PTPRM: variants seen among roughly 807,000 people sequenced by gnomAD.
The protein encoded by PTPRM is receptor-type tyrosine-protein phosphatase mu.
PTPRM carries 47 observed loss-of-function variants against 186.7 expected under a neutral mutation model. The observed-to-expected ratio is 0.25, with a 90% confidence interval of 0.20 to 0.32. The LOEUF (loss-of-function observed/expected upper bound fraction) is 0.32, where lower values mean the gene tolerates loss of function less well. PTPRM is among the 10% of genes least tolerant of loss of function. The pLI, the probability that PTPRM is intolerant of heterozygous loss-of-function variation, is 1.00. For synonymous variants in PTPRM, 668 were observed against 674.9 expected, an observed-to-expected ratio of 0.99 and a Z score of 0.16; for missense variants, 1,494 against 1,865.0, an observed-to-expected ratio of 0.80 and a Z score of 3.66.
intron 5 of PTPRM, among the ~76,000 whole-genome samples, chr18:7,944,286 G>A (rs2052376251): frequency 6.6e-6 from 1 of 152,134 alleles, no homozygotes; most frequent in Admixed American, 6.5e-5. Context: ...TAGAGTACAT[G>A]TTGTGTTGAT....
At chr18:7,975,125 G>C (rs1304138078) in intron 7 of PTPRM, among the ~76,000 whole-genome samples, 1 of 152,214 alleles carries the variant, frequency 6.6e-6, no homozygotes. Flanking sequence ...CAAATGCTGG[G>C]AGGATGTGGA....
intron 14 of PTPRM, among the ~76,000 whole-genome samples, chr18:8,241,514 A>T (rs1338252460): frequency 6.6e-6 from 1 of 152,212 alleles, no homozygotes; most frequent in African/African-American, 2.4e-5. Context: ...ATTTATTTTT[A>T]AATTTGAATT....
At chr18:8,152,918 A>G (rs1007328387) in intron 14 of PTPRM, among the ~76,000 whole-genome samples, 3 of 151,744 alleles carry the variant, frequency 2.0e-5, no homozygotes, top group Non-Finnish European at 4.4e-5. Flanking sequence ...GGGTTTCACC[A>G]TGTTAGCCAG....
intron 1 of PTPRM, among the ~76,000 whole-genome samples, chr18:7,633,126 T>C (rs779840875): frequency 6.6e-6 from 1 of 152,190 alleles, no homozygotes; most frequent in African/African-American, 2.4e-5. Flanking sequence ...CCATGTGCAA[T>C]GAGCCATGAC....
At chr18:8,044,258 A>C (rs1250777345) in intron 7 of PTPRM, among the ~76,000 whole-genome samples, 2 of 152,210 alleles carry the variant, frequency 1.3e-5, no homozygotes, top group African/African-American at 4.8e-5. Flanking sequence ...GAGAAAAATG[A>C]TTCATTGAAT....
intron 8 of PTPRM, among the ~76,000 whole-genome samples, chr18:8,074,871 A>G (rs1044702302): frequency 1.3e-5 from 2 of 152,168 alleles, no homozygotes; most frequent in South Asian, 4.1e-4. Flanking sequence ...GTGTCCTTTG[A>G]TGCCCAAAAG....
intron 7 of PTPRM, among the ~76,000 whole-genome samples, chr18:7,985,795 A>G (rs999752785): frequency 6.6e-6 from 1 of 151,992 alleles, no homozygotes; most frequent in African/African-American, 2.4e-5. Flanking sequence ...TTCAGTTATT[A>G]TTGATGATAG....
chr18:8,328,321 G>A (rs1245446856), intron 22 of PTPRM, among the ~76,000 whole-genome samples: 1 of 152,132 alleles, frequency 6.6e-6, no homozygotes, highest in East Asian at 1.9e-4. Context: ...TTTTTCTCTT[G>A]CATTCTGGCC....
chr18:7,707,621 A>G (rs1447994362), intron 1 of PTPRM, among the ~76,000 whole-genome samples: 1 of 152,154 alleles, frequency 6.6e-6, no homozygotes, highest in Non-Finnish European at 1.5e-5. Context: ...GCTGGGTTAC[A>G]GAGTGAGGCC....
intron 1 of PTPRM, among the ~76,000 whole-genome samples, chr18:7,663,890 G>GC (rs1011179238): frequency 1.3e-5 from 2 of 152,106 alleles, no homozygotes; most frequent in African/African-American, 2.4e-5. Flanking sequence ...AGGTCCCTCT[G>GC]CCCCCCTCCA....
At chr18:8,233,291 A>G (rs931254596) in intron 14 of PTPRM, among the ~76,000 whole-genome samples, 1 of 152,170 alleles carries the variant, frequency 6.6e-6, no homozygotes, top group Non-Finnish European at 1.5e-5. Flanking sequence ...TCAACAATGA[A>G]TGAGGAGTCT....
intron 11 of PTPRM, among the ~76,000 whole-genome samples, chr18:8,111,066 G>C (rs2091732801): frequency 6.6e-6 from 1 of 152,180 alleles, no homozygotes; most frequent in Non-Finnish European, 1.5e-5. Flanking sequence ...TACCCTGGTA[G>C]AATGGCACTT....
At chr18:8,201,624 G>A (rs142685740) in intron 14 of PTPRM, among the ~76,000 whole-genome samples, 1,604 of 152,238 alleles carry the variant, frequency 0.011, 13 homozygotes, top group Admixed American at 0.02. Flanking sequence ...TGACCAATTC[G>A]TTTCCTGCTG....
At chr18:8,142,465 G>A (rs2092787825) in intron 13 of PTPRM, among the ~76,000 whole-genome samples, 1 of 152,152 alleles carries the variant, frequency 6.6e-6, no homozygotes, top group Non-Finnish European at 1.5e-5. Context: ...CAAAAAAACA[G>A]ATGGAAGGTG....
chr18:8,167,794 A>G (rs1391504054), intron 14 of PTPRM, among the ~76,000 whole-genome samples: 2 of 152,204 alleles, frequency 1.3e-5, no homozygotes, highest in Non-Finnish European at 2.9e-5. Flanking sequence ...ATATGGGAGC[A>G]GTTGGTGAAG....
chr18:8,205,407 A>G (rs1480299144), intron 14 of PTPRM, among the ~76,000 whole-genome samples: 12 of 152,204 alleles, frequency 7.9e-5, no homozygotes, highest in Admixed American at 3.9e-4. Context: ...TATATACAAA[A>G]CATGCATATG....
At chr18:7,869,256 C>A (rs1013125942) in intron 2 of PTPRM, among the ~76,000 whole-genome samples, 3 of 152,162 alleles carry the variant, frequency 2.0e-5, no homozygotes, top group Non-Finnish European at 2.9e-5. Flanking sequence ...AAACAAAACT[C>A]CTGCAGCTAG....
Position 8,191,896 on chromosome 18 carries a change from G to T in PTPRM, c.2300+48117G>T, listed in dbSNP as rs535450293. ...AATCTGACTATGTAGCAAATTGACA[G>T]TATTACCAACCTACAGGGAAAAAAA... On this transcript the variant is annotated intron_variant, in intron 14 of 32. Transcript: ENST00000580170. Among the ~76,000 whole-genome samples the T allele has an allele frequency of 1.3e-3, 199 of 152,132 alleles. 1 individual carries two copies. Among genetic ancestry groups the T allele is most frequent in the African/African-American group, 4.6e-3 (192 of 41,498 alleles).
In PTPRM at chr18:8,380,285, T is replaced by C; in HGVS notation, c.3787-11T>C. On this transcript the variant is annotated splice_polypyrimidine_tract_variant and intron_variant, in intron 28 of 32. Transcript: ENST00000580170. ...TGAGTATATTTGGAGCATTCTTGTTTGTGTTTGCAGAGCTATAAACAGCCT... is the reference window on the plus strand; with the variant it reads ...TGAGTATATTTGGAGCATTCTTGTTCGTGTTTGCAGAGCTATAAACAGCCT... 1 of 1,612,512 alleles carries C rather than the reference T, an allele frequency of 6.2e-7. No individual in the cohort carries two copies. The highest frequency in any genetic ancestry group is 8.5e-7 in the Non-Finnish European group (1 of 1,178,560).
Sources: allele counts gnomAD v4.1 joint callset (sites outside exome capture counted in the v4.1 genomes callset), GRCh38; gene constraint gnomAD v4.1.1; transcripts MANE v1.5; gene names NCBI Gene and HGNC (gene_info 2026-07-23, HGNC 2026-07-21).